Variants in GCAT observed in about 807,000 individuals in gnomAD.
GCAT encodes the protein 2-amino-3-ketobutyrate coenzyme A ligase, mitochondrial.
In GCAT, 26 loss-of-function variants were observed where a neutral mutation model predicts 39.7. The observed-to-expected ratio is 0.65, with a 90% CI of 0.48 to 0.91. The LOEUF (loss-of-function observed/expected upper bound fraction) is 0.91. Ranked by LOEUF, GCAT falls within the 40% of genes least tolerant of loss-of-function variation. The pLI, the probability that GCAT is intolerant of heterozygous loss-of-function variation, is 0.00. For synonymous variants in GCAT, 218 were observed against 237.2 expected (o/e 0.92, Z 0.74); for missense variants, 550 against 576.2 (o/e 0.95, Z 0.47).
Position 37,815,116 on chromosome 22 carries a change from T to C in GCAT, c.577-10T>C. 6.2e-7 allele frequency: 1 copy of C among 1,613,308 alleles called. No individual in the cohort carries two copies. The highest frequency in any genetic ancestry group is 8.5e-7 in the Non-Finnish European group (1 of 1,179,814). On this transcript the variant is annotated splice_polypyrimidine_tract_variant and intron_variant, in intron 4 of 8. Transcript: ENST00000248924. ...ACACCACCCACCATCTGCTCATGTCTTTCCTGCAGAAGCATCGGCTGCGCC... is the reference window on the plus strand; with the variant it reads ...ACACCACCCACCATCTGCTCATGTCCTTCCTGCAGAAGCATCGGCTGCGCC...
chr22:37,815,234 T>C lies in GCAT; in HGVS notation c.685T>C (p.Phe229Leu). The C allele has an allele frequency of 6.2e-7, 1 of 1,614,048 alleles. No individual in the cohort carries two copies. The highest frequency in any genetic ancestry group is 8.5e-7 in the Non-Finnish European group (1 of 1,179,986). The change falls in exon 5 of 9, where the codon TTC (phenylalanine) becomes CTC (leucine). Residue 229 changes from phenylalanine (F) to leucine (L), a missense_variant. Phe to Leu is a conservative substitution (Grantham distance 22). Transcript: ENST00000248924. ...CLASRYGALV[F>L]MDECHATGFL... ...CGCCTCTAGATATGGTGCCCTGGTC[T>C]TCATGGATGAATGCCATGCCACTGG... is the stretch of plus-strand genomic sequence containing the variant.
chr22:37,814,380 C>T (rs1921931941), intron 4 of GCAT, among the ~76,000 whole-genome samples: 1 of 152,204 alleles, frequency 6.6e-6, no homozygotes, highest in Non-Finnish European at 1.5e-5. Flanking sequence ...TCTCCTGCCT[C>T]AGCCTCTGGA....
rs186124324 is a variant in GCAT, at chr22:37,808,289, C to T, written c.196+126C>T. On this transcript the variant is annotated intron_variant, in intron 1 of 8. Transcript: ENST00000248924. ...CTGTTCCCCTTCGCATCTCTCAGGGCGACTTTATGGCTTCCTAATATTGAC... is the reference window on the plus strand; with the variant it reads ...CTGTTCCCCTTCGCATCTCTCAGGGTGACTTTATGGCTTCCTAATATTGAC... 11 of 711,052 alleles carry T rather than the reference C, an allele frequency of 1.5e-5. No homozygotes were observed. In the Admixed American group the frequency reaches 4.3e-4, roughly 28 times the overall value. 44.0% of individuals were successfully genotyped at this position (711,052 alleles called of 1,614,324 possible). A position where few individuals can be genotyped will look rare whatever the true frequency, so the allele number is the denominator to read the frequency against.
chr22:37,815,287 C>A lies in GCAT; in HGVS notation c.731+7C>A. ...TCCTGGGGCCCACAGGACGGTGGGA[C>A]CATGTGGCACCTGAGGCCTGGGGTG... On this transcript the variant is annotated splice_region_variant and intron_variant, in intron 5 of 8. Coordinates refer to ENST00000248924, the MANE Select transcript of GCAT (RefSeq NM_014291.4). The A allele has an allele frequency of 6.2e-7, 1 of 1,612,210 alleles. No individual in the cohort carries two copies. The highest frequency in any genetic ancestry group is 1.7e-4 in the Middle Eastern group (1 of 6,054).
chr22:37,809,182 C>T (rs957850297), intron 1 of GCAT, among the ~76,000 whole-genome samples: 2 of 152,238 alleles, frequency 1.3e-5, no homozygotes, highest in Admixed American at 1.3e-4. Context: ...AGCTTAGAGC[C>T]GGTCAAAAGA....
At chr22:37,815,875 T>C in intron 7 of GCAT, 41 bp downstream of exon 7, 1 of 1,606,634 alleles carries the variant, frequency 6.2e-7, no homozygotes. Context: ...CGGAGAGACG[T>C]GGTGAGAGCC....
intron 2 of GCAT, among the ~76,000 whole-genome samples, chr22:37,810,915 G>A (rs1409184508): frequency 1.3e-5 from 2 of 152,204 alleles, no homozygotes; most frequent in East Asian, 3.9e-4. Flanking sequence ...GCCTTCCAAA[G>A]TGGAAACTGC....
At chr22:37,808,625 G>A (rs1921235765) in intron 1 of GCAT, among the ~76,000 whole-genome samples, 2 of 152,152 alleles carry the variant, frequency 1.3e-5, no homozygotes, top group Non-Finnish European at 2.9e-5. Context: ...AGGGGTCCCA[G>A]GGCTGCCACA....
rs190148635 is a variant in GCAT at position 37,809,677 on chromosome 22, C to A, written c.197-350C>A. Among the ~76,000 whole-genome samples the A allele has an allele frequency of 6.1e-4, 93 of 152,074 alleles. 2 individuals carry two copies. In the South Asian group the frequency reaches 6.7e-3, roughly 11 times the overall value. ...TCTACAAAAAATAAAAAAATTTAAT[C>A]GGGCATGGTGGCACGCACCTGTAGT... On this transcript the variant is annotated intron_variant, in intron 1 of 8. Transcript: ENST00000248924.
chr22:37,811,454 C>G (rs1183056168), intron 2 of GCAT, among the ~76,000 whole-genome samples: 1 of 134,496 alleles, frequency 7.4e-6, no homozygotes, highest in South Asian at 2.3e-4. Flanking sequence ...GCACTCCAGC[C>G]TGAGCAACAG....
chr22:37,810,163 CAGTG>C lies in GCAT; in HGVS notation c.327+11_327+14del. 6.2e-7 allele frequency: 1 copy of C among 1,601,084 alleles called. No homozygotes were observed. Among genetic ancestry groups the C allele is most frequent in the Non-Finnish European group, 8.6e-7 (1 of 1,168,086 alleles). On this transcript the variant is annotated splice_region_variant and intron_variant, in intron 2 of 8. Coordinates refer to ENST00000248924, the MANE Select transcript of GCAT (RefSeq NM_014291.4). ...GCTTTATCTGTGGAACCCAGGTACA[CAGTG>C]AGTGGTGGGGGGTTGTGGGGACTGA...
chr22:37,817,046 C>T (rs188133193), downstream of GCAT: 13 of 244,216 alleles, frequency 5.3e-5, no homozygotes, highest in African/African-American at 2.0e-4. Flanking sequence ...ACCCAGTGGC[C>T]GGGCACGGTG....
chr22:37,810,002 A>T (rs780775642), intron 1 of GCAT, 25 bp from the exon 2 acceptor site: 1 of 1,613,400 alleles, frequency 6.2e-7, no homozygotes, highest in Non-Finnish European at 8.5e-7. Context: ...GAGCTGCTGT[A>T]TCCATCTCCT....
chr22:37,814,146 G>A (rs925925485), intron 4 of GCAT, among the ~76,000 whole-genome samples: 1 of 152,088 alleles, frequency 6.6e-6, no homozygotes, highest in Non-Finnish European at 1.5e-5. Flanking sequence ...TGTTGCCCAG[G>A]CTGTATTGCA....
intron 1 of GCAT, among the ~76,000 whole-genome samples, chr22:37,809,008 A>C (rs923708356): frequency 6.6e-6 from 1 of 152,150 alleles, no homozygotes; most frequent in Non-Finnish European, 1.5e-5. Context: ...CACTCTAACC[A>C]GTGGTTACAC....
chr22:37,815,043 T>A, intron 4 of GCAT, 83 bp from the exon 5 acceptor site: 2 of 1,414,430 alleles, frequency 1.4e-6, no homozygotes, highest in Non-Finnish European at 2.0e-6. Flanking sequence ...CAGGATGAGC[T>A]CTCAGAGCTC....
chr22:37,810,717 G>T (rs1921490923), intron 2 of GCAT, among the ~76,000 whole-genome samples: 1 of 151,938 alleles, frequency 6.6e-6, no homozygotes, highest in South Asian at 2.1e-4. Context: ...GGGTTTCACT[G>T]TGTTAGCCAG....
chr22:37,815,501 G>A lies in GCAT; in HGVS notation c.814+1G>A. 6.2e-7 allele frequency: 1 copy of A among 1,603,588 alleles called. No individual in the cohort carries two copies. Among genetic ancestry groups the A allele is most frequent in the Non-Finnish European group, 8.5e-7 (1 of 1,174,712 alleles). On this transcript the variant is annotated splice_donor_variant, in intron 6 of 8. Coordinates refer to ENST00000248924, the MANE Select transcript of GCAT (RefSeq NM_014291.4). LOFTEE classifies it high-confidence loss of function. ...GGGAAGGCCCTGGGTGGAGCATCAG[G>A]TACCTGCAAGGTTGTGTCCCTGGGG...
At chr22:37,808,568 C>G (rs1162721089) in intron 1 of GCAT, among the ~76,000 whole-genome samples, 1 of 152,240 alleles carries the variant, frequency 6.6e-6, no homozygotes, top group Non-Finnish European at 1.5e-5. Flanking sequence ...GGAACATTGC[C>G]TGACTGGCCA....
Sources: allele counts gnomAD v4.1 joint callset (sites outside exome capture counted in the v4.1 genomes callset), GRCh38; gene constraint gnomAD v4.1.1; transcripts MANE v1.5; gene names NCBI Gene and HGNC (gene_info 2026-07-23, HGNC 2026-07-21).